SUGCT: variants seen among roughly 807,000 people sequenced by gnomAD.
SUGCT encodes succinyl-CoA:glutarate CoA-transferase.
A neutral mutation model predicts 55.0 loss-of-function variants in SUGCT; 41 were observed. The observed-to-expected ratio is 0.74, with a 90% CI of 0.58 to 0.97. SUGCT has a LOEUF of 0.97. SUGCT is among the 50% of genes least tolerant of loss of function. The probability of loss-of-function intolerance (pLI) is 0.00; values close to 1 mark genes in which losing one functional copy is unlikely to be tolerated. For missense variants in SUGCT, 568 were observed against 547.8 expected (o/e 1.04, Z -0.37); for synonymous variants, 187 against 200.4 (o/e 0.93, Z 0.56).
At chr7:40,922,214 C>T in the SUGCT span, among the ~76,000 whole-genome samples, 2 of 152,034 alleles carry the variant, frequency 1.3e-5, no homozygotes, top group Admixed American at 1.3e-4. Context: ...TTCTAGTGAC[C>T]CCTTTTGGGC....
At chr7:40,366,968 A>G (rs185813049) in intron 9 of SUGCT, among the ~76,000 whole-genome samples, 2 of 152,318 alleles carry the variant, frequency 1.3e-5, no homozygotes, top group East Asian at 1.9e-4. Context: ...ATGCACACGT[A>G]TGTTTATTGC....
intron 13 of SUGCT, among the ~76,000 whole-genome samples, chr7:40,781,687 A>C (rs1470173357): frequency 6.6e-6 from 1 of 152,208 alleles, no homozygotes; most frequent in Non-Finnish European, 1.5e-5. Flanking sequence ...AGTCACACTC[A>C]AAAGGGGTAA....
rs529537465 is a variant in SUGCT at position 40,818,630 on chromosome 7, G to A, written c.1154-41686G>A. ...CACTGGAGATAAACACTGGAATTGG[G>A]ATCTTAATGGATTGAAGAGTAAATG... is the stretch of plus-strand genomic sequence containing the variant. On this transcript the variant is annotated intron_variant, in intron 13 of 13. Coordinates refer to ENST00000335693, the MANE Select transcript of SUGCT (RefSeq NM_001193313.2). Among the ~76,000 whole-genome samples, 131 of 152,282 alleles carry A rather than the reference G, an allele frequency of 8.6e-4. 1 individual carries two copies. The highest frequency in any genetic ancestry group is 1.0e-3 in the African/African-American group (42 of 41,554).
the SUGCT span, among the ~76,000 whole-genome samples, chr7:40,893,763 A>G: frequency 6.6e-6 from 1 of 152,186 alleles, no homozygotes; most frequent in African/African-American, 2.4e-5. Flanking sequence ...ACTTGACTTC[A>G]AACTATACTA....
chr7:40,220,186 A>T (rs1363251413), intron 6 of SUGCT, among the ~76,000 whole-genome samples: 1 of 152,134 alleles, frequency 6.6e-6, no homozygotes, highest in African/African-American at 2.4e-5. Flanking sequence ...TTTGATGTTT[A>T]TCATCTCTCT....
intron 12 of SUGCT, among the ~76,000 whole-genome samples, chr7:40,620,182 G>A (rs187483571): frequency 1.4e-3 from 208 of 152,232 alleles, no homozygotes; most frequent in African/African-American, 4.8e-3. Context: ...CCCCTTGTTG[G>A]GGGTATTTAC....
intron 7 of SUGCT, among the ~76,000 whole-genome samples, chr7:40,265,125 C>T (rs1584503804): frequency 6.6e-6 from 1 of 151,956 alleles, no homozygotes; most frequent in East Asian, 1.9e-4. Flanking sequence ...AATTTGTGTG[C>T]CCCAGGATAC....
At chr7:40,834,575 G>A (rs551587505) in intron 13 of SUGCT, among the ~76,000 whole-genome samples, 3 of 152,262 alleles carry the variant, frequency 2.0e-5, no homozygotes, top group Non-Finnish European at 4.4e-5. Context: ...AAAAGTAGAT[G>A]CATAATATCT....
intron 1 of SUGCT, among the ~76,000 whole-genome samples, chr7:40,173,887 CAT>C (rs1469055599): frequency 1.4e-5 from 2 of 146,676 alleles, no homozygotes; most frequent in Non-Finnish European, 3.0e-5. Context: ...ATTTGTATAA[CAT>C]AATTTATTTA....
At chr7:40,140,218 A>G (rs2150575820) in intron 1 of SUGCT, among the ~76,000 whole-genome samples, 1 of 151,364 alleles carries the variant, frequency 6.6e-6, no homozygotes, top group East Asian at 2.0e-4. Flanking sequence ...TGATTTTTTT[A>G]TATGGTGAGA....
chr7:40,921,163 T>C, the SUGCT span, among the ~76,000 whole-genome samples: 1 of 152,204 alleles, frequency 6.6e-6, no homozygotes, highest in Non-Finnish European at 1.5e-5. Flanking sequence ...AATATTCATA[T>C]TGTAAGAATC....
Position 40,381,548 on chromosome 7 carries a change from C to T in SUGCT, c.816+64693C>T, listed in dbSNP as rs544028461. On this transcript the variant is annotated intron_variant, in intron 9 of 13. Coordinates refer to ENST00000335693, the MANE Select transcript of SUGCT (RefSeq NM_001193313.2). ...CCCTAAATCTGTTGACTCGTGGTTCCGAAAAAACTATAAAATTCAGTAACT... is the reference window on the plus strand; with the variant it reads ...CCCTAAATCTGTTGACTCGTGGTTCTGAAAAAACTATAAAATTCAGTAACT... 1.6e-3 allele frequency among the ~76,000 whole-genome samples: 236 copies of T among 151,936 alleles called. 2 individuals are homozygous for T. Among genetic ancestry groups the T allele is most frequent in the East Asian group, 1.4e-3 (7 of 5,164 alleles).
At chr7:40,813,973 G>A (rs1791546131) in intron 13 of SUGCT, among the ~76,000 whole-genome samples, 1 of 152,118 alleles carries the variant, frequency 6.6e-6, no homozygotes, top group Admixed American at 6.6e-5. Flanking sequence ...CACTTATGAA[G>A]CTTAGTTTGG....
intron 11 of SUGCT, among the ~76,000 whole-genome samples, chr7:40,480,649 T>C (rs1209538468): frequency 2.0e-5 from 3 of 152,178 alleles, no homozygotes; most frequent in African/African-American, 7.2e-5. Flanking sequence ...TCCATGAACA[T>C]AGGGTGTATT....
At chr7:40,660,931 C>G (rs1801271261) in intron 12 of SUGCT, among the ~76,000 whole-genome samples, 1 of 152,136 alleles carries the variant, frequency 6.6e-6, no homozygotes, top group Non-Finnish European at 1.5e-5. Context: ...ACCCCTGTCC[C>G]TTCATTGTAC....
chr7:40,423,330 T>G (rs1787413234), intron 9 of SUGCT, among the ~76,000 whole-genome samples: 1 of 152,174 alleles, frequency 6.6e-6, no homozygotes, highest in African/African-American at 2.4e-5. Flanking sequence ...CATGTCATAT[T>G]CACTAAGAAA....
intron 6 of SUGCT, chr7:40,217,532 T>C (rs1209507987): frequency 5.2e-6 from 2 of 383,834 alleles, no homozygotes; most frequent in South Asian, 1.9e-5. Flanking sequence ...ATTATCGTTG[T>C]CTCCACACCT....
intron 4 of SUGCT, among the ~76,000 whole-genome samples, chr7:40,189,249 T>C (rs1369036198): frequency 6.6e-6 from 1 of 151,892 alleles, no homozygotes; most frequent in Non-Finnish European, 1.5e-5. Context: ...GGCTGAGGCA[T>C]GTGAATCGCC....
the SUGCT span, among the ~76,000 whole-genome samples, chr7:41,011,019 G>A: frequency 2.0e-5 from 3 of 152,332 alleles, no homozygotes; most frequent in South Asian, 2.1e-4. Context: ...GAGGAAAATA[G>A]GCATATCTTT....
Sources: allele counts gnomAD v4.1 joint callset (sites outside exome capture counted in the v4.1 genomes callset), GRCh38; gene constraint gnomAD v4.1.1; transcripts MANE v1.5; gene names NCBI Gene and HGNC (gene_info 2026-07-23, HGNC 2026-07-21).